FAR2: variants seen among roughly 807,000 people sequenced by gnomAD.
The protein encoded by FAR2 is fatty acyl-CoA reductase 2.
A neutral mutation model predicts 56.0 loss-of-function variants in FAR2; 19 were observed. That is an observed-to-expected ratio of 0.34 (90% confidence interval 0.24 to 0.50). The LOEUF is 0.50. Among genes scored for constraint, FAR2 ranks in the 20% least tolerant of loss-of-function variants. The pLI, the probability that FAR2 is intolerant of heterozygous loss-of-function variation, is 0.98. For synonymous variants in FAR2, 219 were observed against 218.8 expected (o/e 1.00, Z -0.01); for missense variants, 508 against 642.2 (o/e 0.79, Z 2.26).
intron 10 of FAR2, among the ~76,000 whole-genome samples, chr12:29,323,053 G>A (rs928995489): frequency 2.0e-5 from 3 of 152,356 alleles, no homozygotes; most frequent in South Asian, 2.1e-4. Context: ...GACTGGAGCT[G>A]TTCCTATTCG....
chr12:29,160,762 CTCT>C (rs1269529468), intron 1 of FAR2, among the ~76,000 whole-genome samples: 1 of 152,060 alleles, frequency 6.6e-6, no homozygotes, highest in African/African-American at 2.4e-5. Context: ...GTCTCACATC[CTCT>C]TCTTTCTATG....
intron 11 of FAR2, 42 bp from the exon 12 acceptor site, chr12:29,333,590 A>AT (rs1195330165): frequency 6.4e-7 from 1 of 1,559,560 alleles, no homozygotes; most frequent in Non-Finnish European, 8.8e-7. Flanking sequence ...GTGGTTGGGT[A>AT]TCTGGTAGTT....
At chr12:29,224,932 G>A (rs1350184317) in intron 1 of FAR2, among the ~76,000 whole-genome samples, 1 of 152,178 alleles carries the variant, frequency 6.6e-6, no homozygotes, top group African/African-American at 2.4e-5. Context: ...TTCACAAGTA[G>A]TTAGAGCCGA....
chr12:29,155,715 C>A (rs1393314630), intron 1 of FAR2, among the ~76,000 whole-genome samples: 3 of 152,180 alleles, frequency 2.0e-5, no homozygotes, highest in African/African-American at 7.2e-5. Context: ...TTGTATCATT[C>A]GTCTAGTCAT....
chr12:29,290,110 C>G (rs1052704060), intron 2 of FAR2, among the ~76,000 whole-genome samples: 1 of 152,094 alleles, frequency 6.6e-6, no homozygotes, highest in African/African-American at 2.4e-5. Context: ...ATTAGTACAA[C>G]CACTACGGAG....
intron 1 of FAR2, among the ~76,000 whole-genome samples, chr12:29,261,797 A>G (rs115750452): frequency 0.053 from 8,123 of 152,246 alleles, 519 homozygotes; most frequent in African/African-American, 0.15. Context: ...AAAATCTTTT[A>G]CCCTAGAATA....
chr12:29,191,598 G>A (rs1018833571), intron 1 of FAR2, among the ~76,000 whole-genome samples: 28 of 152,306 alleles, frequency 1.8e-4, no homozygotes, highest in African/African-American at 6.7e-4. Flanking sequence ...AACACCTAGA[G>A]CTACTGCAGG....
chr12:29,238,273 G>C (rs1017238327), intron 1 of FAR2, among the ~76,000 whole-genome samples: 23 of 151,980 alleles, frequency 1.5e-4, no homozygotes, highest in Admixed American at 5.9e-4. Flanking sequence ...TACAGAAACA[G>C]ATATGGAAAT....
rs573354329 is a variant in FAR2 at position 29,269,776 on chromosome 12, A to C, written c.-38-636A>C. Among the ~76,000 whole-genome samples, 18 of 152,316 alleles carry C rather than the reference A, an allele frequency of 1.2e-4. No homozygotes were observed. In the East Asian group the frequency reaches 2.3e-3, roughly 20 times the overall value. On this transcript the variant is annotated intron_variant, in intron 1 of 11. Coordinates refer to ENST00000536681, the MANE Select transcript of FAR2 (RefSeq NM_001271783.2). ...ACTTCCCGCAACAATTATTTATTCC[A>C]GTATTTTCTCTAAATAAATCTGAAA...
intron 1 of FAR2, among the ~76,000 whole-genome samples, chr12:29,220,342 A>T (rs1947671611): frequency 6.6e-6 from 1 of 152,196 alleles, no homozygotes; most frequent in Admixed American, 6.5e-5. Context: ...ATAAATCAAA[A>T]GGTATAGGGA....
At chr12:29,295,254 G>T (rs1056854627) in intron 3 of FAR2, among the ~76,000 whole-genome samples, 5 of 151,854 alleles carry the variant, frequency 3.3e-5, no homozygotes, top group South Asian at 2.1e-4. Flanking sequence ...TTGTATTTTT[G>T]GTAGAGACGG....
chr12:29,298,036 CAAAA>C (rs71042980), intron 4 of FAR2, among the ~76,000 whole-genome samples: 16,332 of 123,468 alleles, frequency 0.13, 1,022 homozygotes, highest in Middle Eastern at 0.28. Flanking sequence ...AACTCCGTCT[CAAAA>C]AAAAAAAAAA....
In FAR2 at chr12:29,321,939, G is replaced by A. The variant is rs1949559800; in HGVS notation, c.1257+15G>A. On this transcript the variant is annotated intron_variant, in intron 10 of 11. Coordinates refer to ENST00000536681, the MANE Select transcript of FAR2 (RefSeq NM_001271783.2). ...AAGACCAGAGAGTAAGTAGAGCACT[G>A]ACTTAAGCACCAGGAAAATGCTACT... The A allele has an allele frequency of 6.3e-7, 1 of 1,598,426 alleles. No homozygotes were observed. The highest frequency in any genetic ancestry group is 1.1e-5 in the South Asian group (1 of 87,980).
intron 1 of FAR2, among the ~76,000 whole-genome samples, chr12:29,229,576 A>G (rs374657924): frequency 9.9e-5 from 15 of 152,040 alleles, no homozygotes; most frequent in African/African-American, 3.6e-4. Flanking sequence ...AATTCACTCC[A>G]TTTTTTCATT....
Position 29,270,557 on chromosome 12 carries a change from C to T in FAR2, c.108C>T (p.Asp36=), listed in dbSNP as rs1362542114. 1.2e-6 allele frequency: 2 copies of T among 1,613,982 alleles called. No individual in the cohort carries two copies. Among genetic ancestry groups the T allele is most frequent in the Non-Finnish European group, 1.7e-6 (2 of 1,179,976 alleles). Reference sequence around the variant, plus strand: ...AGAAGCTGTTTCGCACCAGCCCAGACCTGAAAGTCATTTACATCCTTGTGA... The same window carrying T: ...AGAAGCTGTTTCGCACCAGCCCAGATCTGAAAGTCATTTACATCCTTGTGA... ...LMEKLFRTSP[D]LKVIYILVRP... Residue 36 remains aspartate (D), a synonymous_variant, in exon 2 of 12, where the codon GAC becomes GAT. Transcript: ENST00000536681.
At chr12:29,184,894 G>A (rs1335040571) in intron 1 of FAR2, among the ~76,000 whole-genome samples, 3 of 151,992 alleles carry the variant, frequency 2.0e-5, no homozygotes, top group Non-Finnish European at 4.4e-5. Context: ...AGTAGGAATA[G>A]GTAAAAATAT....
chr12:29,216,434 G>C (rs1947622359), intron 1 of FAR2, among the ~76,000 whole-genome samples: 1 of 151,644 alleles, frequency 6.6e-6, no homozygotes, highest in Non-Finnish European at 1.5e-5. Context: ...TGGGGATCTT[G>C]GGTTCATTGA....
chr12:29,327,073 A>G (rs1409314980), intron 10 of FAR2, among the ~76,000 whole-genome samples: 2 of 152,236 alleles, frequency 1.3e-5, no homozygotes. Context: ...TAAAAACTCA[A>G]TGTGCAAAAA....
intron 1 of FAR2, among the ~76,000 whole-genome samples, chr12:29,227,617 C>T (rs1349534196): frequency 6.6e-6 from 1 of 152,152 alleles, no homozygotes; most frequent in Admixed American, 6.6e-5. Context: ...AGGAATATAA[C>T]AACTGATTGT....
Sources: allele counts gnomAD v4.1 joint callset (sites outside exome capture counted in the v4.1 genomes callset), GRCh38; gene constraint gnomAD v4.1.1; transcripts MANE v1.5; gene names NCBI Gene and HGNC (gene_info 2026-07-23, HGNC 2026-07-21).